The following FBN2 variants were observed in gnomAD, a reference collection of about 807,000 sequenced individuals.
FBN2 encodes fibrillin 2.
In FBN2, 105 loss-of-function variants were observed where a neutral mutation model predicts 355.6. That is an observed-to-expected ratio of 0.30 (90% CI 0.25 to 0.35). The LOEUF (loss-of-function observed/expected upper bound fraction) is 0.35. Ranked by LOEUF, FBN2 falls within the 10% of genes least tolerant of loss-of-function variation. The pLI, the probability that FBN2 is intolerant of heterozygous loss-of-function variation, is 1.00. For synonymous variants in FBN2, 1,350 were observed against 1,301.2 expected, an observed-to-expected ratio of 1.04 and a Z score of -0.81; for missense variants, 3,280 against 3,758.7, an observed-to-expected ratio of 0.87 and a Z score of 3.33.
In FBN2 at chr5:128,506,927, T is replaced by C. The variant is rs375168058; in HGVS notation, c.628+12346A>G. Among the ~76,000 whole-genome samples, 4 of 152,130 alleles carry C rather than the reference T, an allele frequency of 2.6e-5. No individual in the cohort carries two copies. The South Asian group carries it at 8.3e-4, about 31-fold the overall frequency. ...CACGATGTTTTTTAATATCATAGGATAAATCTCAATTGGCTATGATCTATT... is the reference window on the plus strand; with the variant it reads ...CACGATGTTTTTTAATATCATAGGACAAATCTCAATTGGCTATGATCTATT... On this transcript the variant is annotated intron_variant, in intron 5 of 64. Transcript: ENST00000262464.
rs1749165262 is a variant in FBN2 at position 128,286,819 on chromosome 5, T to C, written c.6911A>G (p.Asp2304Gly). Residue 2304 changes from aspartate (D) to glycine (G), a missense_variant, in exon 55 of 65, where the codon GAC (aspartate) becomes GGC (glycine). Asp to Gly is a moderately conservative substitution (Grantham distance 94). Coordinates refer to ENST00000262464, the MANE Select transcript of FBN2 (RefSeq NM_001999.4). The stretch of plus-strand genomic sequence containing the variant: ...ACACATCATGCCCCTAGATTCACAG[T>C]CGTGTAACCCTTCAGCACATTCATC... ...DLDECAEGLHDCESRGMMCKN... is the reference protein window; with the variant it reads ...DLDECAEGLHGCESRGMMCKN... The C allele has an allele frequency of 6.2e-7, 1 of 1,614,054 alleles. No individual in the cohort carries two copies. Among genetic ancestry groups the C allele is most frequent in the Admixed American group, 1.7e-5 (1 of 60,016 alleles).
Position 128,458,726 on chromosome 5 carries a change from A to G in FBN2, c.826+5998T>C, listed in dbSNP as rs115546082. ...GGGTAAATACTGAAAGTAAGGCGGA[A>G]ATCAAGAAGTTCTTTGAAACTAATA... On this transcript the variant is annotated intron_variant, in intron 6 of 64. Coordinates refer to ENST00000262464, the MANE Select transcript of FBN2 (RefSeq NM_001999.4). Among the ~76,000 whole-genome samples the G allele has an allele frequency of 7.4e-3, 1,129 of 152,280 alleles. 14 individuals are homozygous for G. The highest frequency in any genetic ancestry group is 0.026 in the African/African-American group (1,062 of 41,554).
intron 5 of FBN2, among the ~76,000 whole-genome samples, chr5:128,506,809 G>C (rs530308971): frequency 1.3e-5 from 2 of 151,966 alleles, no homozygotes; most frequent in Non-Finnish European, 2.9e-5. Flanking sequence ...GACTGTTTTG[G>C]GAACAGATTT....
chr5:128,485,091 A>C (rs892342439), intron 5 of FBN2, among the ~76,000 whole-genome samples: 6 of 152,042 alleles, frequency 3.9e-5, no homozygotes. Context: ...TGCAACGAAC[A>C]GGGATCACTG....
intron 6 of FBN2, among the ~76,000 whole-genome samples, chr5:128,452,637 C>A (rs1754283891): frequency 6.6e-6 from 1 of 152,138 alleles, no homozygotes. Context: ...ATAGAAATTA[C>A]TACTATATTT....
intron 61 of FBN2, 143 bp downstream of exon 61, chr5:128,273,697 T>C: frequency 1.2e-6 from 1 of 815,706 alleles, no homozygotes; most frequent in Admixed American, 2.3e-5. Context: ...CATAGAAATT[T>C]ATGACCAGGA....
intron 23 of FBN2, among the ~76,000 whole-genome samples, chr5:128,347,000 G>A (rs571012706): frequency 1.3e-5 from 2 of 152,268 alleles, no homozygotes; most frequent in Non-Finnish European, 2.9e-5. Context: ...GTAATCCAGC[G>A]TCTCATTATC....
intron 20 of FBN2, among the ~76,000 whole-genome samples, chr5:128,351,844 G>A (rs1351432932): frequency 6.6e-6 from 1 of 150,944 alleles, no homozygotes; most frequent in Non-Finnish European, 1.5e-5. Context: ...AGGATTACAG[G>A]CATGAGCCAG....
At chr5:128,339,252 T>G in intron 25 of FBN2, 191 bp from the exon 26 acceptor site, 1 of 591,076 alleles carries the variant, frequency 1.7e-6, no homozygotes, top group South Asian at 1.9e-5. Flanking sequence ...AAAACTGCCA[T>G]GCCAACAGGC....
intron 2 of FBN2, among the ~76,000 whole-genome samples, chr5:128,533,205 A>T (rs981152626): frequency 5.9e-5 from 9 of 152,170 alleles, no homozygotes; most frequent in African/African-American, 2.2e-4. Flanking sequence ...GCATTAAAAC[A>T]TTGTTTTATT....
chr5:128,510,133 C>T (rs1162857881), intron 5 of FBN2, among the ~76,000 whole-genome samples: 1 of 152,172 alleles, frequency 6.6e-6, no homozygotes, highest in South Asian at 2.1e-4. Context: ...CTAGGCCGTG[C>T]CTGGATTTTC....
chr5:128,488,204 C>G (rs200500591), intron 5 of FBN2, among the ~76,000 whole-genome samples: 1 of 151,882 alleles, frequency 6.6e-6, no homozygotes, highest in Non-Finnish European at 1.5e-5. Context: ...GAATCTATTA[C>G]AAAAATGAAT....
At chr5:128,503,769 G>A (rs191143706) in intron 5 of FBN2, among the ~76,000 whole-genome samples, 1 of 152,288 alleles carries the variant, frequency 6.6e-6, no homozygotes, top group Admixed American at 6.5e-5. Context: ...ATTTTCTGGG[G>A]AGAAATTCAA....
intron 35 of FBN2, among the ~76,000 whole-genome samples, chr5:128,318,474 C>T (rs1188747388): frequency 6.6e-6 from 1 of 151,924 alleles, no homozygotes; most frequent in Non-Finnish European, 1.5e-5. Context: ...TTTATGACAG[C>T]GTTTAACATC....
At chr5:128,508,272 T>C (rs1000868219) in intron 5 of FBN2, among the ~76,000 whole-genome samples, 8 of 152,050 alleles carry the variant, frequency 5.3e-5, no homozygotes, top group African/African-American at 1.4e-4. Context: ...ATTGTGATGA[T>C]TGACATGGCT....
intron 5 of FBN2, among the ~76,000 whole-genome samples, chr5:128,485,281 C>T (rs186237442): frequency 5.9e-5 from 9 of 152,254 alleles, no homozygotes; most frequent in African/African-American, 1.9e-4. Flanking sequence ...TTTTGGCCTA[C>T]TAAAGTGCTG....
chr5:128,298,480 G>A (rs1473245675), intron 48 of FBN2, among the ~76,000 whole-genome samples: 1 of 152,100 alleles, frequency 6.6e-6, no homozygotes. Context: ...ACACCAATCA[G>A]ACGTAGATTT....
chr5:128,441,147 A>G (rs1753908391), intron 7 of FBN2, among the ~76,000 whole-genome samples: 1 of 152,160 alleles, frequency 6.6e-6, no homozygotes, highest in African/African-American at 2.4e-5. Context: ...CAGACAGATG[A>G]TGCTTTTTCC....
intron 8 of FBN2, among the ~76,000 whole-genome samples, chr5:128,401,361 T>C (rs1752793761): frequency 6.6e-6 from 1 of 152,214 alleles, no homozygotes; most frequent in African/African-American, 2.4e-5. Flanking sequence ...AAAATCCAAA[T>C]TCATTTATCA....
Sources: allele counts gnomAD v4.1 joint callset (sites outside exome capture counted in the v4.1 genomes callset), GRCh38; gene constraint gnomAD v4.1.1; transcripts MANE v1.5; gene names NCBI Gene and HGNC (gene_info 2026-07-23, HGNC 2026-07-21).